The following ARK2C variants were observed in gnomAD, a reference collection of about 807,000 sequenced individuals.
ARK2C encodes the protein E3 ubiquitin-protein ligase ARK2C.
chr18:46,422,536 G>A, the ARK2C span, among the ~76,000 whole-genome samples: 5 of 152,240 alleles, frequency 3.3e-5, no homozygotes, highest in Non-Finnish European at 7.3e-5. Context: ...CCACCTGGGC[G>A]CAGCCCCACC....
chr18:46,456,377 C>T, the ARK2C span: 10 of 692,912 alleles, frequency 1.4e-5, no homozygotes, highest in South Asian at 5.2e-5. Flanking sequence ...CGCTTCCTGG[C>T]GGAGGCTTCA....
the ARK2C span, among the ~76,000 whole-genome samples, chr18:46,383,844 C>T: frequency 6.6e-6 from 1 of 152,172 alleles, no homozygotes; most frequent in Non-Finnish European, 1.5e-5. Context: ...AGCCACCGCG[C>T]CCGGCCACCA....
the ARK2C span, among the ~76,000 whole-genome samples, chr18:46,413,830 C>T: frequency 1.1e-4 from 16 of 152,296 alleles, no homozygotes; most frequent in Middle Eastern, 3.4e-3. Context: ...AAACACTCCT[C>T]CCCCTGCCCC....
chr18:46,353,354 C>T, the ARK2C span, among the ~76,000 whole-genome samples: 4 of 152,166 alleles, frequency 2.6e-5, no homozygotes, highest in Admixed American at 6.5e-5. Flanking sequence ...TGGGGAGATT[C>T]AGCCAGAGTC....
chr18:46,421,365 ATCAT>A, the ARK2C span, among the ~76,000 whole-genome samples: 12,181 of 151,650 alleles, frequency 0.08, 766 homozygotes, highest in African/African-American at 0.18. Context: ...CCTGTTCGTG[ATCAT>A]TCATTCATTC....
the ARK2C span, among the ~76,000 whole-genome samples, chr18:46,414,531 A>G: frequency 2.0e-5 from 3 of 152,184 alleles, no homozygotes; most frequent in Non-Finnish European, 4.4e-5. Context: ...ATGAATAGAC[A>G]TATACCTGCA....
chr18:46,380,385 G>A, the ARK2C span, among the ~76,000 whole-genome samples: 1 of 152,228 alleles, frequency 6.6e-6, no homozygotes, highest in Non-Finnish European at 1.5e-5. Context: ...AGGCCCAGAG[G>A]AACTTGCTTA....
chr18:46,409,745 G>T, the ARK2C span, among the ~76,000 whole-genome samples: 1 of 152,222 alleles, frequency 6.6e-6, no homozygotes, highest in African/African-American at 2.4e-5. Flanking sequence ...ATTCAGGATA[G>T]ATGGGCCCTT....
chr18:46,406,234 G>A, the ARK2C span, among the ~76,000 whole-genome samples: 2 of 152,126 alleles, frequency 1.3e-5, no homozygotes, highest in East Asian at 3.9e-4. Context: ...TTGTTGCATT[G>A]AACCCCCCTC....
chr18:46,453,833 A>C, the ARK2C span, among the ~76,000 whole-genome samples: 1 of 152,036 alleles, frequency 6.6e-6, no homozygotes, highest in East Asian at 1.9e-4. Context: ...ATAACATCAT[A>C]GTTAAAAGGG....
chr18:46,388,167 T>C, the ARK2C span, among the ~76,000 whole-genome samples: 2 of 152,164 alleles, frequency 1.3e-5, no homozygotes, highest in Non-Finnish European at 2.9e-5. Context: ...GATAGCTACA[T>C]AGTAAGATGG....
chr18:46,383,616 G>A, the ARK2C span, among the ~76,000 whole-genome samples: 2 of 140,472 alleles, frequency 1.4e-5, no homozygotes, highest in East Asian at 4.3e-4. Flanking sequence ...GTACAGTGGT[G>A]CGATCTCAGC....
the ARK2C span, among the ~76,000 whole-genome samples, chr18:46,365,032 A>G: frequency 6.6e-6 from 1 of 152,102 alleles, no homozygotes. Flanking sequence ...GGTCTCTGGG[A>G]GTTCCCTTTC....
chr18:46,427,944 G>T, the ARK2C span, among the ~76,000 whole-genome samples: 1 of 152,190 alleles, frequency 6.6e-6, no homozygotes. Context: ...TTCGAGATGG[G>T]AAAAGCAGCC....
the ARK2C span, chr18:46,334,407 C>T: frequency 3.5e-6 from 5 of 1,418,544 alleles, no homozygotes; most frequent in Non-Finnish European, 4.7e-6. This position sits in a 1 kb window ranked among gnomAD's most constrained non-coding sequence, Gnocchi z 4.4. Context: ...GGGCGGGCGC[C>T]GCGGGCGGCC....
At chr18:46,366,292 CAAAAAAAAA>C in the ARK2C span, among the ~76,000 whole-genome samples, 66 of 54,504 alleles carry the variant, frequency 1.2e-3, no homozygotes, top group South Asian at 4.9e-3. Flanking sequence ...AACTCTGGCT[CAAAAAAAAA>C]AAAAAAAAAA....
the ARK2C span, among the ~76,000 whole-genome samples, chr18:46,351,567 C>G: frequency 6.6e-6 from 1 of 152,214 alleles, no homozygotes; most frequent in Non-Finnish European, 1.5e-5. Context: ...CCTGCTAAGC[C>G]CAGCCCCTTC....
At chr18:46,366,833 C>T in the ARK2C span, among the ~76,000 whole-genome samples, 15 of 152,304 alleles carry the variant, frequency 9.8e-5, no homozygotes, top group South Asian at 2.1e-4. Flanking sequence ...ATAAGTCAGA[C>T]GCTGTGCTAG....
chr18:46,382,877 C>T, the ARK2C span, among the ~76,000 whole-genome samples: 855 of 152,348 alleles, frequency 5.6e-3, 4 homozygotes, highest in Non-Finnish European at 9.4e-3. Context: ...CCTCCTGGAC[C>T]GTCAGAGCCT....
Sources: gnomAD v4.1 joint callset for allele counts (sites outside exome capture counted in the v4.1 genomes callset) on GRCh38, gnomAD v4.1.1 for gene constraint, Gnocchi (gnomAD v3.1) non-coding constraint, MANE v1.5 for transcripts, NCBI Gene and HGNC (gene_info 2026-07-23, HGNC 2026-07-21) for gene names.